MARCHF8: variants seen among roughly 807,000 people sequenced by gnomAD.
MARCHF8 encodes the protein membrane associated ring-CH-type finger 8.
MARCHF8 carries 40 observed loss-of-function variants against 51.6 expected under a neutral mutation model. That is an observed-to-expected ratio of 0.77 (90% CI 0.60 to 1.01). MARCHF8 has a LOEUF of 1.01. Among genes scored for constraint, MARCHF8 ranks in the 50% least tolerant of loss-of-function variants. The pLI is 0.00. For missense variants in MARCHF8, 685 were observed against 708.6 expected (o/e 0.97, Z 0.38); for synonymous variants, 263 against 280.3 (o/e 0.94, Z 0.62).
At chr10:45,541,575 T>C (rs535057170) in intron 1 of MARCHF8, among the ~76,000 whole-genome samples, 2 of 152,008 alleles carry the variant, frequency 1.3e-5, no homozygotes, top group Admixed American at 1.3e-4. Flanking sequence ...ATAATAATAA[T>C]AAAATTTTAA....
intron 2 of MARCHF8, among the ~76,000 whole-genome samples, chr10:45,493,124 G>A (rs2043115036): frequency 6.6e-6 from 1 of 152,186 alleles, no homozygotes; most frequent in South Asian, 2.1e-4. Context: ...CATAAAAGAA[G>A]CACATACATA....
Position 45,543,705 on chromosome 10 carries a change from G to A in MARCHF8, c.-78-10416C>T, listed in dbSNP as rs556884548. ...CTCAGCTACTCAGGAGGCTGAGGCC[G>A]GAGAATGGCGTGAACCCGGGAGGCG... On this transcript the variant is annotated intron_variant, in intron 1 of 6. Coordinates refer to the MARCHF8 transcript ENST00000319836. Among the ~76,000 whole-genome samples the A allele has an allele frequency of 7.3e-5, 11 of 150,840 alleles. No individual in the cohort carries two copies. The South Asian group carries it at 8.4e-4, about 12-fold the overall frequency.
chr10:45,543,850 G>A (rs938293107), intron 1 of MARCHF8, among the ~76,000 whole-genome samples: 18 of 147,364 alleles, frequency 1.2e-4, no homozygotes, highest in East Asian at 5.9e-4. Context: ...GAACTCCTAC[G>A]TTAAGACAAA....
chr10:45,522,385 C>T (rs957635240), intron 2 of MARCHF8, among the ~76,000 whole-genome samples: 2 of 152,064 alleles, frequency 1.3e-5, no homozygotes, highest in Non-Finnish European at 2.9e-5. Context: ...TAAGCAGTCT[C>T]CTCCAAGTTC....
chr10:45,545,068 C>T (rs908735641), intron 1 of MARCHF8, among the ~76,000 whole-genome samples: 2 of 152,146 alleles, frequency 1.3e-5, no homozygotes, highest in African/African-American at 4.8e-5. Context: ...ACCATCTGAC[C>T]ATCCTGACAG....
chr10:45,549,386 A>G (rs2044168596), intron 1 of MARCHF8, among the ~76,000 whole-genome samples: 1 of 152,146 alleles, frequency 6.6e-6, no homozygotes, highest in Non-Finnish European at 1.5e-5. Flanking sequence ...TGCTGCCCTT[A>G]CCTGACTTAC....
At position 45,516,696 on chromosome 10, in the gene MARCHF8, G is replaced by A. The variant is rs565025291; in HGVS notation, c.102+16414C>T. 5.9e-5 allele frequency among the ~76,000 whole-genome samples: 9 copies of A among 152,240 alleles called. No homozygotes were observed. In the East Asian group the frequency reaches 1.2e-3, roughly 20 times the overall value. ...GGAGAATCGCTTGAACCTGGGAGGC[G>A]GAGGTTGCAGTGAGCTGAGACTGCG... On this transcript the variant is annotated intron_variant, in intron 2 of 7. Transcript: ENST00000453424.
At chr10:45,468,035 A>T (rs1843027963) in intron 3 of MARCHF8, among the ~76,000 whole-genome samples, 1 of 152,204 alleles carries the variant, frequency 6.6e-6, no homozygotes, top group African/African-American at 2.4e-5. Context: ...TAATTATGCC[A>T]AAACAAACCT....
chr10:45,576,955 T>C (rs1011496854), intron 1 of MARCHF8, among the ~76,000 whole-genome samples: 16 of 137,294 alleles, frequency 1.2e-4, no homozygotes, highest in Non-Finnish European at 1.7e-4. Flanking sequence ...AGACTCTGTC[T>C]CTAAACAAAA....
At chr10:45,533,974 G>C (rs2043932871) in intron 1 of MARCHF8, among the ~76,000 whole-genome samples, 1 of 152,172 alleles carries the variant, frequency 6.6e-6, no homozygotes, top group African/African-American at 2.4e-5. Context: ...ACGAGGTCAG[G>C]AGATCGAGAC....
Position 45,575,658 on chromosome 10 carries a change from C to T in MARCHF8, c.-79+18577G>A, listed in dbSNP as rs188475992. 1.5e-3 allele frequency among the ~76,000 whole-genome samples: 221 copies of T among 152,238 alleles called. 1 individual carries two copies. Among genetic ancestry groups the T allele is most frequent in the African/African-American group, 3.9e-3 (163 of 41,536 alleles). On this transcript the variant is annotated intron_variant, in intron 1 of 6. Coordinates refer to the MARCHF8 transcript ENST00000319836. ...AATTTTCGCTACCCCAACACTTTAC[C>T]ACTATTTCGTTTTATTTTTCTTATT...
intron 1 of MARCHF8, 126 bp from the exon 2 acceptor site, chr10:45,533,415 T>A (rs2043922098): frequency 4.0e-6 from 2 of 498,346 alleles, no homozygotes; most frequent in Non-Finnish European, 6.0e-6. Context: ...ACATAAATGT[T>A]TGGTCTTCAA....
chr10:45,467,594 G>C (rs532042866), intron 3 of MARCHF8, among the ~76,000 whole-genome samples: 1 of 152,250 alleles, frequency 6.6e-6, no homozygotes, highest in Non-Finnish European at 1.5e-5. Context: ...TTCAAATAAT[G>C]GTTCCATGGT....
At chr10:45,520,959 T>C (rs2133234633) in intron 2 of MARCHF8, among the ~76,000 whole-genome samples, 1 of 152,366 alleles carries the variant, frequency 6.6e-6, no homozygotes, top group South Asian at 2.1e-4. Context: ...CTTGAAAAGT[T>C]GCTGTTCAAA....
intron 3 of MARCHF8, among the ~76,000 whole-genome samples, chr10:45,475,030 A>T (rs1482786584): frequency 6.6e-6 from 1 of 152,208 alleles, no homozygotes; most frequent in East Asian, 1.9e-4. Flanking sequence ...CTGAGAGCCC[A>T]GTCCTCAGGA....
rs139172803 is a variant in MARCHF8, at chr10:45,551,840, T to TACACACACAC, written c.-78-18561_-78-18552dup. ...CTATCTATATATATAGGTATATCTGTACACACACACACACACACACACACA... is the reference window on the plus strand; with the variant it reads ...CTATCTATATATATAGGTATATCTGTACACACACACACACACACACACACACACACACACA... On this transcript the variant is annotated intron_variant, in intron 1 of 6. Transcript: ENST00000319836. 4.1e-3 allele frequency among the ~76,000 whole-genome samples: 609 copies of TACACACACAC among 148,544 alleles called. 5 individuals carry two copies. The highest frequency in any genetic ancestry group is 0.011 in the East Asian group (58 of 5,080).
At chr10:45,489,197 C>A (rs1564480699) in intron 3 of MARCHF8, among the ~76,000 whole-genome samples, 170 bp downstream of exon 3, 1 of 151,646 alleles carries the variant, frequency 6.6e-6, no homozygotes, top group African/African-American at 2.4e-5. Context: ...AATTGCCTTA[C>A]CAGAAAAATG....
chr10:45,499,173 G>A (rs1179036668), intron 2 of MARCHF8, among the ~76,000 whole-genome samples: 2 of 152,166 alleles, frequency 1.3e-5, no homozygotes, highest in Non-Finnish European at 2.9e-5. Flanking sequence ...TCTCACTGTG[G>A]TTTTGATTTG....
At chr10:45,539,503 C>T (rs1297893010), upstream of MARCHF8, among the ~76,000 whole-genome samples, 20 of 152,138 alleles carry the variant, frequency 1.3e-4, no homozygotes. Flanking sequence ...ACACAAAAGA[C>T]CCTTCAAAAT....
Sources: allele counts gnomAD v4.1 joint callset (sites outside exome capture counted in the v4.1 genomes callset), GRCh38; gene constraint gnomAD v4.1.1; transcripts MANE v1.5; gene names NCBI Gene and HGNC (gene_info 2026-07-23, HGNC 2026-07-21).